SBF2: variants seen among roughly 807,000 people sequenced by gnomAD.
SBF2 encodes myotubularin-related protein 13.
In SBF2, 112 loss-of-function variants were observed where a neutral mutation model predicts 225.2. That is an observed-to-expected ratio of 0.50 (90% CI 0.43 to 0.58). SBF2 has a LOEUF of 0.58. SBF2 is among the 20% of genes least tolerant of loss of function. SBF2 has a pLI of 0.00. For missense variants in SBF2, 1,996 were observed against 2,206.2 expected (o/e 0.90, Z 1.91); for synonymous variants, 763 against 773.3 (o/e 0.99, Z 0.22).
intron 2 of SBF2, among the ~76,000 whole-genome samples, chr11:10,054,891 G>A (rs940866494): frequency 8.1e-6 from 1 of 122,944 alleles, no homozygotes; most frequent in Non-Finnish European, 1.8e-5. Context: ...TTATTTGTTT[G>A]CATGTTTTTT....
chr11:10,247,888 CAA>C (rs1176891128), intron 1 of SBF2, among the ~76,000 whole-genome samples: 2 of 152,028 alleles, frequency 1.3e-5, no homozygotes, highest in African/African-American at 2.4e-5. Flanking sequence ...TCATATTGTT[CAA>C]AGAGGCACTG....
chr11:10,190,780 T>C (rs965435408), intron 2 of SBF2, among the ~76,000 whole-genome samples: 6 of 152,204 alleles, frequency 3.9e-5, no homozygotes, highest in Admixed American at 3.3e-4. Flanking sequence ...CCCTATTCAA[T>C]AACACAGCCT....
intron 17 of SBF2, among the ~76,000 whole-genome samples, chr11:9,884,655 G>C (rs897069016): frequency 6.6e-6 from 1 of 152,104 alleles, no homozygotes; most frequent in South Asian, 2.1e-4. Flanking sequence ...AGAGCTGTGG[G>C]TGCACAAAAT....
intron 13 of SBF2, among the ~76,000 whole-genome samples, chr11:9,971,847 G>T (rs1946471808): frequency 6.6e-6 from 1 of 152,126 alleles, no homozygotes; most frequent in Non-Finnish European, 1.5e-5. Flanking sequence ...GGAGAGTTAA[G>T]ATTTCCAGAT....
intron 6 of SBF2, chr11:10,016,460 T>C (rs893934064): frequency 6.6e-6 from 1 of 152,076 alleles, no homozygotes; most frequent in Non-Finnish European, 1.5e-5. Flanking sequence ...AAATGTCACA[T>C]GCTTTCTTAA....
At chr11:10,169,370 TTCTC>T (rs562362813) in intron 2 of SBF2, among the ~76,000 whole-genome samples, 58 of 152,032 alleles carry the variant, frequency 3.8e-4, no homozygotes, top group African/African-American at 1.3e-3. Context: ...ACCATCCTTC[TTCTC>T]TCTCTCTCTA....
At chr11:9,911,934 A>C (rs9919608) in intron 16 of SBF2, among the ~76,000 whole-genome samples, 80,439 of 152,128 alleles carry the variant, frequency 0.53, 21,824 homozygotes, top group African/African-American at 0.61. Flanking sequence ...CTTGTCCAAC[A>C]CGCGGCCCAC....
At chr11:9,985,216 C>G (rs1180850713) in intron 13 of SBF2, among the ~76,000 whole-genome samples, 6 of 152,190 alleles carry the variant, frequency 3.9e-5, no homozygotes. Flanking sequence ...ACTCACCTAA[C>G]ATACATAACG....
chr11:10,163,489 A>G (rs992445533), intron 2 of SBF2, among the ~76,000 whole-genome samples: 2 of 152,160 alleles, frequency 1.3e-5, no homozygotes, highest in African/African-American at 4.8e-5. Flanking sequence ...AATAATGACA[A>G]TAAGAGTAGC....
chr11:10,175,451 A>G (rs1241494716), intron 2 of SBF2, among the ~76,000 whole-genome samples: 2 of 150,822 alleles, frequency 1.3e-5, no homozygotes, highest in Non-Finnish European at 3.0e-5. Flanking sequence ...CAATTCAACA[A>G]GAAGAGCTAA....
intron 13 of SBF2, among the ~76,000 whole-genome samples, chr11:9,970,211 T>A (rs1400136989): frequency 7.3e-6 from 1 of 137,256 alleles, no homozygotes; most frequent in East Asian, 2.0e-4. Context: ...ATATATCCTA[T>A]TTTTTTTTTT....
chr11:10,064,477 T>C (rs998341512), intron 2 of SBF2, among the ~76,000 whole-genome samples: 1 of 152,042 alleles, frequency 6.6e-6, no homozygotes, highest in Admixed American at 6.6e-5. Context: ...ACCATATTAG[T>C]CATCACATTA....
intron 2 of SBF2, among the ~76,000 whole-genome samples, chr11:10,050,755 A>G (rs1590840615): frequency 6.6e-6 from 1 of 152,160 alleles, no homozygotes; most frequent in Non-Finnish European, 1.5e-5. Flanking sequence ...ATGGGTGCAT[A>G]GTGTATACAG....
chr11:10,299,338 A>AAAAAAAAAAAAAAAAAAAAAAAAAG (rs1964575440), intron 1 of SBF2, among the ~76,000 whole-genome samples: 1 of 53,484 alleles, frequency 1.9e-5, no homozygotes. Flanking sequence ...AGTCCATCTC[A>AAAAAAAAAAAAAAAAAAAAAAAAAG]AAAAAAAAAA....
intron 14 of SBF2, among the ~76,000 whole-genome samples, chr11:9,965,943 A>G (rs1268114275): frequency 6.6e-6 from 1 of 152,242 alleles, no homozygotes; most frequent in Non-Finnish European, 1.5e-5. Flanking sequence ...TAGAATAGAA[A>G]ACTTACAATC....
In SBF2 at chr11:9,785,407, G is replaced by GA. The variant is rs1852307457; in HGVS notation, c.5038-90dup. On this transcript the variant is annotated intron_variant, in intron 36 of 39. Transcript: ENST00000256190. ...TTCATTTACAAATATTTATCTCAAG[G>GA]AAAAAACTGGACTAATAAGCAACAA... The GA allele has an allele frequency of 2.9e-6, 3 of 1,049,956 alleles. No individual in the cohort carries two copies. In the African/African-American group the frequency reaches 4.7e-5, roughly 17 times the overall value. The allele number at this position is 1,049,956 out of a possible 1,614,324, so 65.0% of individuals were successfully genotyped here.
At chr11:10,113,115 T>A (rs1190781862) in intron 2 of SBF2, among the ~76,000 whole-genome samples, 1 of 151,978 alleles carries the variant, frequency 6.6e-6, no homozygotes, top group Non-Finnish European at 1.5e-5. Context: ...CACATCAGCC[T>A]CCCAAGTAGC....
At chr11:10,174,147 C>G (rs555888525) in intron 2 of SBF2, among the ~76,000 whole-genome samples, 139 of 152,142 alleles carry the variant, frequency 9.1e-4, no homozygotes, top group African/African-American at 3.1e-3. Context: ...AGCAACGGAA[C>G]AAAGCTGGAC....
At chr11:10,012,839 A>C (rs938950453) in intron 6 of SBF2, among the ~76,000 whole-genome samples, 1 of 151,662 alleles carries the variant, frequency 6.6e-6, no homozygotes, top group Admixed American at 6.6e-5. Flanking sequence ...ATCTGCTTGT[A>C]ATGTTAGGCT....
Sources: gnomAD v4.1 joint callset for allele counts (sites outside exome capture counted in the v4.1 genomes callset) on GRCh38, gnomAD v4.1.1 for gene constraint, MANE v1.5 for transcripts, NCBI Gene and HGNC (gene_info 2026-07-23, HGNC 2026-07-21) for gene names.